SLC37A1: variants seen among roughly 807,000 people sequenced by gnomAD.
SLC37A1 encodes solute carrier family 37 member 1.
SLC37A1 carries 49 observed loss-of-function variants against 75.3 expected under a neutral mutation model. That is an observed-to-expected ratio of 0.65 (90% CI 0.52 to 0.83). The LOEUF is 0.83. Ranked by LOEUF, SLC37A1 falls within the 40% of genes least tolerant of loss-of-function variation. The pLI, the probability that SLC37A1 is intolerant of heterozygous loss-of-function variation, is 0.00. For synonymous variants in SLC37A1, 268 were observed against 292.1 expected (o/e 0.92, Z 0.84); for missense variants, 566 against 695.0 (o/e 0.81, Z 2.09).
intron 3 of SLC37A1, among the ~76,000 whole-genome samples, chr21:42,530,644 A>T (rs2054933035): frequency 3.5e-5 from 1 of 28,642 alleles, no homozygotes; most frequent in Non-Finnish European, 6.9e-5. Flanking sequence ...ACACACACAC[A>T]CACACACACA....
chr21:42,529,083 A>C (rs1396732105), intron 3 of SLC37A1, among the ~76,000 whole-genome samples: 3 of 152,246 alleles, frequency 2.0e-5, no homozygotes, highest in African/African-American at 4.8e-5. Context: ...TTATGATATG[A>C]AAATATGCAA....
upstream of SLC37A1, chr21:42,513,784 G>A (rs2054466965): frequency 6.8e-6 from 1 of 146,432 alleles, no homozygotes; most frequent in African/African-American, 2.5e-5. Flanking sequence ...GGAGCCGCGC[G>A]GCTCCGCCGG....
chr21:42,559,038 C>A lies in SLC37A1; in HGVS notation c.930C>A (p.Asp310Glu), dbSNP rs746029309. The A allele has an allele frequency of 3.7e-6, 6 of 1,613,716 alleles. No homozygotes were observed. Among genetic ancestry groups the A allele is most frequent in the Non-Finnish European group, 4.2e-6 (5 of 1,179,864 alleles). ...ACCACGTCGTCATTCTCCCCGGGGA[C>A]GGTGGGAGTGGCACGGCCGCCATCA... ...HPNHVVILPG[D>E]GGSGTAAISF... is the part of the protein sequence containing the mutation. The change falls in exon 11 of 20, where the codon GAC becomes GAA. Residue 310 changes from aspartate to glutamate, a missense_variant. By Grantham distance (45) the Asp-to-Glu change is conservative. Transcript: ENST00000352133.
rs145312729 is a variant in SLC37A1, at chr21:42,548,578, C to T, written c.768+1438C>T. Among the ~76,000 whole-genome samples the T allele has an allele frequency of 8.8e-3, 1,341 of 152,310 alleles. 14 individuals carry two copies. The highest frequency in any genetic ancestry group is 0.014 in the Middle Eastern group (4 of 294). ...CCTCCGCCTCTACCACCCTGGTCCC[C>T]GTCACCACCGTCAGCTCTCCTCCGA... On this transcript the variant is annotated intron_variant, in intron 9 of 19. Coordinates refer to ENST00000352133, the MANE Select transcript of SLC37A1 (RefSeq NM_001320537.2). This position sits in a 1 kb window ranked among gnomAD's most constrained non-coding sequence, Gnocchi z 5.6.
chr21:42,560,836 G>C (rs942660573), intron 11 of SLC37A1, among the ~76,000 whole-genome samples: 1 of 152,166 alleles, frequency 6.6e-6, no homozygotes, highest in Non-Finnish European at 1.5e-5. Flanking sequence ...CCAAAAGTAG[G>C]GTGCACACTA....
At chr21:42,551,927 G>C (rs1321358827) in intron 9 of SLC37A1, among the ~76,000 whole-genome samples, 1 of 152,044 alleles carries the variant, frequency 6.6e-6, no homozygotes, top group Non-Finnish European at 1.5e-5. Flanking sequence ...TTGAGGCTTT[G>C]CTGACCTTGT....
At position 42,545,637 on chromosome 21, in the gene SLC37A1, C is replaced by G. The variant is rs936585893; in HGVS notation, c.731-1466C>G. 6.6e-6 allele frequency among the ~76,000 whole-genome samples: 1 copy of G among 152,212 alleles called. No individual in the cohort carries two copies. On this transcript the variant is annotated intron_variant, in intron 8 of 19. Coordinates refer to ENST00000352133, the MANE Select transcript of SLC37A1 (RefSeq NM_001320537.2). The surrounding 1 kb of genome is among the most constrained non-coding windows in gnomAD (Gnocchi z 4.0). The stretch of plus-strand genomic sequence containing the variant: ...GTCCCAGCCAAGGGACGTGTGTGCC[C>G]AAGTCCCTGAAGGTGAAAGTCCAGG...
intron 10 of SLC37A1, 115 bp from the exon 11 acceptor site, chr21:42,558,843 C>A: frequency 7.7e-7 from 1 of 1,298,562 alleles, no homozygotes; most frequent in Non-Finnish European, 1.1e-6. Context: ...GTCTCCAAGG[C>A]AGTGGAAGAG....
In SLC37A1 at chr21:42,547,001, A is replaced by ACACC; in HGVS notation, c.731-100_731-97dup. Reference sequence around the variant, plus strand: ...TGAATCCTGCATACAGTCCAGTTTCACACCCGGTGCTCCCGTGTTGCCCTG... The same window carrying ACACC: ...TGAATCCTGCATACAGTCCAGTTTCACACCCACCCGGTGCTCCCGTGTTGCCCTG... On this transcript the variant is annotated intron_variant, in intron 8 of 19. Coordinates refer to ENST00000352133, the MANE Select transcript of SLC37A1 (RefSeq NM_001320537.2). The surrounding 1 kb of genome is among the most constrained non-coding windows in gnomAD (Gnocchi z 6.1). The ACACC allele has an allele frequency of 7.2e-7, 1 of 1,391,880 alleles. No individual in the cohort carries two copies. Among genetic ancestry groups the ACACC allele is most frequent in the Non-Finnish European group, 1.0e-6 (1 of 981,666 alleles). 86.2% of individuals were successfully genotyped at this position (1,391,880 alleles called of 1,614,324 possible). A position where few individuals can be genotyped will look rare whatever the true frequency, so the allele number is the denominator to read the frequency against.
intron 11 of SLC37A1, among the ~76,000 whole-genome samples, chr21:42,561,218 G>C (rs1200311286): frequency 6.6e-6 from 1 of 152,230 alleles, no homozygotes; most frequent in Non-Finnish European, 1.5e-5. Context: ...TGCACAGACG[G>C]CTGGGGGATT....
At chr21:42,542,837 C>T (rs1447230238) in intron 7 of SLC37A1, among the ~76,000 whole-genome samples, 1 of 152,244 alleles carries the variant, frequency 6.6e-6, no homozygotes, top group Non-Finnish European at 1.5e-5. Flanking sequence ...CCTGGGTCAC[C>T]CAGCGCACAG....
intron 9 of SLC37A1, among the ~76,000 whole-genome samples, chr21:42,551,803 TTTTTGTTTTG>T (rs374568400): frequency 7.0e-4 from 105 of 150,956 alleles, no homozygotes; most frequent in Middle Eastern, 3.4e-3. Context: ...TCAATGGTTT[TTTTTGTTTTG>T]TTTTGTTTTG....
Position 42,574,711 on chromosome 21 carries a change from T to C in SLC37A1, c.1424-107T>C, listed in dbSNP as rs549558524. The C allele has an allele frequency of 1.4e-5, 14 of 1,034,158 alleles. No individual in the cohort carries two copies. The African/African-American group carries it at 2.0e-4, about 15-fold the overall frequency. The allele number at this position is 1,034,158 out of a possible 1,614,324, so 64.1% of individuals were successfully genotyped here. ...ATGAGGTAGTGTAGTTCCATATGTG[T>C]TCCTTTCATTGTGAGTGAGGTGTTG... is the stretch of plus-strand genomic sequence containing the variant. On this transcript the variant is annotated intron_variant, in intron 17 of 19. Coordinates refer to ENST00000352133, the MANE Select transcript of SLC37A1 (RefSeq NM_001320537.2).
At chr21:42,515,522 A>G (rs1200191742) in intron 1 of SLC37A1, among the ~76,000 whole-genome samples, 1 of 152,062 alleles carries the variant, frequency 6.6e-6, no homozygotes, top group Non-Finnish European at 1.5e-5. Flanking sequence ...ATTACTTGGA[A>G]CCTTCTAGGC....
intron 2 of SLC37A1, among the ~76,000 whole-genome samples, chr21:42,523,586 G>A (rs1433343947): frequency 6.6e-6 from 1 of 152,238 alleles, no homozygotes; most frequent in Non-Finnish European, 1.5e-5. Flanking sequence ...GGGGCTTCTG[G>A]AGCAAATCCA....
intron 2 of SLC37A1, among the ~76,000 whole-genome samples, 178 bp from the exon 3 acceptor site, chr21:42,525,598 C>A (rs914095571): frequency 2.6e-5 from 4 of 152,174 alleles, no homozygotes; most frequent in Non-Finnish European, 5.9e-5. Flanking sequence ...TTGGACAAAG[C>A]AAACGTGGCA....
intron 11 of SLC37A1, 81 bp downstream of exon 11, chr21:42,559,170 T>G (rs1330827851): frequency 1.3e-6 from 2 of 1,522,348 alleles, no homozygotes; most frequent in Non-Finnish European, 1.8e-6. Context: ...ATGATTAAGC[T>G]TAAAAAGACA....
rs191337546 is a variant in SLC37A1, at chr21:42,515,194, T to A, written c.-179+477T>A. 2.6e-5 allele frequency among the ~76,000 whole-genome samples: 4 copies of A among 152,222 alleles called. No homozygotes were observed. In the East Asian group the frequency reaches 7.7e-4, roughly 29 times the overall value. On this transcript the variant is annotated intron_variant, in intron 1 of 19. Transcript: ENST00000352133. Reference sequence around the variant, plus strand: ...AAGAGATAGTGACCATTTTCATTCATCTTTAATATGGAAAGCGCCTTTAAA... The same window carrying A: ...AAGAGATAGTGACCATTTTCATTCAACTTTAATATGGAAAGCGCCTTTAAA...
At chr21:42,558,591 A>G (rs1040380039) in intron 10 of SLC37A1, among the ~76,000 whole-genome samples, 1 of 152,106 alleles carries the variant, frequency 6.6e-6, no homozygotes, top group Non-Finnish European at 1.5e-5. Context: ...CGTCATTAAA[A>G]TCTCCCAACC....
Sources: allele counts gnomAD v4.1 joint callset (sites outside exome capture counted in the v4.1 genomes callset), GRCh38; gene constraint gnomAD v4.1.1; non-coding constraint Gnocchi (gnomAD v3.1); transcripts MANE v1.5; gene names NCBI Gene and HGNC (gene_info 2026-07-23, HGNC 2026-07-21).